Variants in GAREM1 observed in about 807,000 individuals in gnomAD.
The protein encoded by GAREM1 is GRB2-associated and regulator of MAPK protein 1.
GAREM1 carries 26 observed loss-of-function variants against 71.3 expected under a neutral mutation model. The observed-to-expected ratio is 0.36, with a 90% CI of 0.27 to 0.51. The LOEUF is 0.51. Ranked by LOEUF, GAREM1 falls within the 20% of genes least tolerant of loss-of-function variation. The probability of loss-of-function intolerance (pLI) is 0.95; values close to 1 mark genes in which losing one functional copy is unlikely to be tolerated. For missense variants in GAREM1, 1,026 were observed against 1,103.1 expected, an observed-to-expected ratio of 0.93 and a Z score of 0.99; for synonymous variants, 440 against 433.2, an observed-to-expected ratio of 1.02 and a Z score of -0.20.
At chr18:32,342,234 G>A (rs541928535) in intron 2 of GAREM1, among the ~76,000 whole-genome samples, 45 of 152,144 alleles carry the variant, frequency 3.0e-4, no homozygotes, top group African/African-American at 1.0e-3. Flanking sequence ...TCTTGCTTGA[G>A]GTCTCGAAGC....
At chr18:32,434,230 CAG>C (rs1290522964) in intron 1 of GAREM1, among the ~76,000 whole-genome samples, 1 of 152,128 alleles carries the variant, frequency 6.6e-6, no homozygotes, top group East Asian at 1.9e-4. Context: ...TGTTAGGTAT[CAG>C]AGTTATACAC....
intron 1 of GAREM1, among the ~76,000 whole-genome samples, chr18:32,394,152 T>TA (rs1567993275): frequency 6.6e-6 from 1 of 152,188 alleles, no homozygotes; most frequent in Non-Finnish European, 1.5e-5. Context: ...CTCATGCCTA[T>TA]AATCCCAACA....
rs1312292076 is a variant in GAREM1, at chr18:32,470,825, C to A, written c.-397G>T. 2.0e-5 allele frequency among the ~76,000 whole-genome samples: 3 copies of A among 150,494 alleles called. No individual in the cohort carries two copies. The highest frequency in any genetic ancestry group is 7.3e-5 in the African/African-American group (3 of 41,262). On this transcript the variant is annotated 5_prime_UTR_variant, in exon 1 of 6. Coordinates refer to ENST00000269209, the MANE Select transcript of GAREM1 (RefSeq NM_001242409.2). The surrounding 1 kb of genome is among the most constrained non-coding windows in gnomAD (Gnocchi z 4.4). ...TACCCCTCCTTCCCTCCGCCTCGAG[C>A]GTGTGAGGAGGAGCCGCGGGTCTGA...
intron 1 of GAREM1, among the ~76,000 whole-genome samples, chr18:32,393,544 G>A (rs1203998867): frequency 2.0e-5 from 3 of 152,132 alleles, no homozygotes; most frequent in Non-Finnish European, 4.4e-5. Flanking sequence ...GAAAGCTTAT[G>A]ATTTAATCAC....
At chr18:32,431,255 G>A (rs1486221504) in intron 1 of GAREM1, among the ~76,000 whole-genome samples, 3 of 152,098 alleles carry the variant, frequency 2.0e-5, no homozygotes, top group African/African-American at 7.2e-5. Flanking sequence ...AGATCCTCAG[G>A]ATACTATCGA....
intron 1 of GAREM1, among the ~76,000 whole-genome samples, chr18:32,427,679 G>A (rs893281971): frequency 6.6e-6 from 1 of 152,160 alleles, no homozygotes; most frequent in Non-Finnish European, 1.5e-5. Context: ...GTGAAGATAA[G>A]TGATACTCTG....
intron 1 of GAREM1, among the ~76,000 whole-genome samples, chr18:32,423,900 G>C (rs967086903): frequency 2.6e-5 from 4 of 152,160 alleles, no homozygotes; most frequent in African/African-American, 9.7e-5. Context: ...TTGGGAGGCT[G>C]AAGTGGGAGG....
intron 3 of GAREM1, among the ~76,000 whole-genome samples, chr18:32,306,471 C>A (rs634069): frequency 3.4e-4 from 52 of 151,892 alleles, no homozygotes; most frequent in Non-Finnish European, 5.6e-4. Context: ...CAACCCCCCC[C>A]ACCCACTAAA....
At chr18:32,454,151 A>T (rs1279056520) in intron 1 of GAREM1, among the ~76,000 whole-genome samples, 2 of 152,116 alleles carry the variant, frequency 1.3e-5, no homozygotes, top group Non-Finnish European at 2.9e-5. Context: ...CTTGATTTTC[A>T]GTTTAGATTA....
intron 3 of GAREM1, among the ~76,000 whole-genome samples, chr18:32,291,466 T>C (rs1277148047): frequency 1.3e-5 from 2 of 152,098 alleles, no homozygotes; most frequent in East Asian, 1.9e-4. Flanking sequence ...TGTATACTAA[T>C]GTGCTACATA....
intron 2 of GAREM1, among the ~76,000 whole-genome samples, chr18:32,364,589 C>T (rs1199646696): frequency 1.3e-5 from 2 of 152,154 alleles, no homozygotes; most frequent in Non-Finnish European, 2.9e-5. Context: ...GCACAGCCTG[C>T]ACATGTATCC....
chr18:32,284,664 C>T (rs2046990850), intron 4 of GAREM1, among the ~76,000 whole-genome samples: 1 of 152,120 alleles, frequency 6.6e-6, no homozygotes, highest in Admixed American at 6.6e-5. Flanking sequence ...AAGGTCAGAG[C>T]CCCAACCTTC....
Position 32,287,168 on chromosome 18 carries a change from T to C in GAREM1, c.1429A>G (p.Arg477Gly). The change falls in exon 4 of 6, where the codon AGA (arginine) becomes GGA (glycine). Residue 477 changes from arginine (R) to glycine (G), a missense_variant. Transcript: ENST00000269209. This position sits in a 1 kb window ranked among gnomAD's most constrained non-coding sequence, Gnocchi z 5.9. ...PLTRSLSEKN[R>G]CDQFRGSVRS... ...ACAGAACCTCTAAACTGATCACATCTGTTCTTCTCGCTCAGAGAGCGAGTG... is the reference window on the plus strand; with the variant it reads ...ACAGAACCTCTAAACTGATCACATCCGTTCTTCTCGCTCAGAGAGCGAGTG... 6.2e-7 allele frequency: 1 copy of C among 1,614,206 alleles called. No individual in the cohort carries two copies. The highest frequency in any genetic ancestry group is 8.5e-7 in the Non-Finnish European group (1 of 1,180,020).
chr18:32,464,500 A>G (rs2048981144), intron 1 of GAREM1, among the ~76,000 whole-genome samples: 1 of 152,174 alleles, frequency 6.6e-6, no homozygotes, highest in Non-Finnish European at 1.5e-5. Flanking sequence ...TTTTTAAAAA[A>G]GTAAAGTTCC....
At chr18:32,401,319 G>A (rs561892166) in intron 1 of GAREM1, among the ~76,000 whole-genome samples, 85 of 151,382 alleles carry the variant, frequency 5.6e-4, no homozygotes, top group Admixed American at 2.6e-3. Flanking sequence ...AGAACTTAAA[G>A]TATAAAAATA....
At chr18:32,274,038 G>A (rs947085000) in intron 4 of GAREM1, among the ~76,000 whole-genome samples, 9 of 152,146 alleles carry the variant, frequency 5.9e-5, no homozygotes, top group Non-Finnish European at 8.8e-5. Flanking sequence ...AGGCAGGTGA[G>A]GGGCAGCCCA....
chr18:32,387,877 G>A (rs887683741), intron 2 of GAREM1, among the ~76,000 whole-genome samples: 8 of 152,038 alleles, frequency 5.3e-5, no homozygotes, highest in Non-Finnish European at 1.0e-4. Context: ...TCTTTAAAAC[G>A]CTGAGTTTTA....
chr18:32,392,797 T>G, intron 2 of GAREM1, 98 bp downstream of exon 2: 1 of 1,296,204 alleles, frequency 7.7e-7, no homozygotes, highest in South Asian at 1.5e-5. Flanking sequence ...TCTAAGTCAT[T>G]CTACTTTCTA....
chr18:32,284,406 T>C (rs888456807), intron 4 of GAREM1, among the ~76,000 whole-genome samples: 1 of 152,232 alleles, frequency 6.6e-6, no homozygotes. Flanking sequence ...GTTTCAAATT[T>C]AGCATTTCTT....
Sources: allele counts gnomAD v4.1 joint callset (sites outside exome capture counted in the v4.1 genomes callset), GRCh38; gene constraint gnomAD v4.1.1; non-coding constraint Gnocchi (gnomAD v3.1); transcripts MANE v1.5; gene names NCBI Gene and HGNC (gene_info 2026-07-23, HGNC 2026-07-21).